HIPK2: variants seen among roughly 807,000 people sequenced by gnomAD.
HIPK2 encodes homeodomain-interacting protein kinase 2.
A neutral mutation model predicts 113.7 loss-of-function variants in HIPK2; 27 were observed. That is an observed-to-expected ratio of 0.24 (90% confidence interval 0.17 to 0.33). The LOEUF is 0.33. HIPK2 is among the 10% of genes least tolerant of loss of function. The probability of loss-of-function intolerance (pLI) is 1.00; values close to 1 mark genes in which losing one functional copy is unlikely to be tolerated. For missense variants in HIPK2, 1,257 were observed against 1,588.0 expected (o/e 0.79, Z 3.54); for synonymous variants, 631 against 642.2 (o/e 0.98, Z 0.26).
intron 14 of HIPK2, among the ~76,000 whole-genome samples, chr7:139,573,648 C>G (rs1417550473): frequency 1.3e-5 from 2 of 152,074 alleles, no homozygotes; most frequent in African/African-American, 4.8e-5. Context: ...TCGAGACCAG[C>G]CTGGCCAATA....
At chr7:139,589,404 T>TAA (rs150232763) in intron 12 of HIPK2, among the ~76,000 whole-genome samples, 3 of 141,912 alleles carry the variant, frequency 2.1e-5, no homozygotes, top group Non-Finnish European at 1.6e-5. Context: ...AATGAGCATT[T>TAA]AAAAAAAAAA....
intron 2 of HIPK2, among the ~76,000 whole-genome samples, chr7:139,654,572 CTG>C (rs1801589758): frequency 6.6e-6 from 1 of 152,162 alleles, no homozygotes; most frequent in African/African-American, 2.4e-5. Flanking sequence ...ATCTTTGGAA[CTG>C]TTTAATGCAT....
At chr7:139,764,874 G>A (rs907524732) in intron 1 of HIPK2, among the ~76,000 whole-genome samples, 1 of 152,166 alleles carries the variant, frequency 6.6e-6, no homozygotes, top group Non-Finnish European at 1.5e-5. Context: ...GGTGGCTCAC[G>A]CCTGTAATCC....
rs1796813829 is a variant in HIPK2, at chr7:139,777,795, G to A, written c.-172C>T. ...CCTCCCGTGGCCGGCGCCGGGGGAG[G>A]GGGCCGGGCGCGCCGCCGCCGCCGC... On this transcript the variant is annotated 5_prime_UTR_variant, in exon 1 of 15. Coordinates refer to ENST00000406875, the MANE Select transcript of HIPK2 (RefSeq NM_022740.5). 2.1e-6 allele frequency: 1 copy of A among 478,030 alleles called. No individual in the cohort carries two copies. Among genetic ancestry groups the A allele is most frequent in the Non-Finnish European group, 2.7e-6 (1 of 368,480 alleles). The allele number at this position is 478,030 out of a possible 1,614,324, so 29.6% of individuals were successfully genotyped here.
intron 1 of HIPK2, among the ~76,000 whole-genome samples, chr7:139,763,775 G>A (rs1419579283): frequency 5.3e-5 from 8 of 152,222 alleles, no homozygotes. Context: ...GAGCACTTTT[G>A]GTCATGCCTG....
At chr7:139,680,636 T>A (rs1267651425) in intron 2 of HIPK2, among the ~76,000 whole-genome samples, 1 of 152,244 alleles carries the variant, frequency 6.6e-6, no homozygotes, top group African/African-American at 2.4e-5. Flanking sequence ...AGCAAATCAT[T>A]TTTTAAAATT....
intron 2 of HIPK2, among the ~76,000 whole-genome samples, chr7:139,653,835 C>T (rs539783771): frequency 7.9e-5 from 12 of 152,006 alleles, no homozygotes; most frequent in South Asian, 6.2e-4. Context: ...CAGGTTCAAG[C>T]GATTCTCCTG....
intron 12 of HIPK2, among the ~76,000 whole-genome samples, chr7:139,595,321 C>G (rs913705978): frequency 6.6e-6 from 1 of 152,144 alleles, no homozygotes; most frequent in Non-Finnish European, 1.5e-5. Context: ...GCTGAGCCCA[C>G]GTGAGGACTG....
intron 2 of HIPK2, among the ~76,000 whole-genome samples, chr7:139,651,260 C>T (rs1801448390): frequency 6.6e-6 from 1 of 152,122 alleles, no homozygotes; most frequent in African/African-American, 2.4e-5. Flanking sequence ...TTCCAAGCAC[C>T]CAAATGCAGG....
chr7:139,572,802 G>C lies in HIPK2; in HGVS notation c.*125C>G, dbSNP rs1485279765. ...CCCCCGCCCCTGCCCCGTTTGCATT[G>C]TTTGTGTGCGGCATCTTCAGTATAA... On this transcript the variant is annotated 3_prime_UTR_variant, in exon 15 of 15. Coordinates refer to ENST00000406875, the MANE Select transcript of HIPK2 (RefSeq NM_022740.5). The C allele has an allele frequency of 5.8e-6, 1 of 173,196 alleles. No homozygotes were observed. The allele number at this position is 173,196 out of a possible 1,614,324, so 10.7% of individuals were successfully genotyped here. A position where few individuals can be genotyped will look rare whatever the true frequency, so the allele number is the denominator to read the frequency against.
At chr7:139,746,239 C>T (rs1796189041) in intron 1 of HIPK2, among the ~76,000 whole-genome samples, 1 of 152,234 alleles carries the variant, frequency 6.6e-6, no homozygotes, top group Non-Finnish European at 1.5e-5. Flanking sequence ...CACTGTCCCC[C>T]AGCCGGGCCT....
chr7:139,714,757 A>G lies in HIPK2; in HGVS notation c.1103+1175T>C, dbSNP rs537172786. ...TTCAGTTTTGTTTCTTGTGACCTCT[A>G]TCTCCACTGCACTGTTCGGCACCAC... On this transcript the variant is annotated intron_variant, in intron 2 of 14. Transcript: ENST00000406875. The surrounding 1 kb of genome is among the most constrained non-coding windows in gnomAD (Gnocchi z 4.2). Among the ~76,000 whole-genome samples the G allele has an allele frequency of 6.6e-6, 1 of 152,122 alleles. No homozygotes were observed. Among genetic ancestry groups the G allele is most frequent in the African/African-American group, 2.4e-5 (1 of 41,520 alleles).
intron 2 of HIPK2, among the ~76,000 whole-genome samples, chr7:139,665,877 C>T (rs186115562): frequency 1.3e-5 from 2 of 151,534 alleles, no homozygotes; most frequent in African/African-American, 2.4e-5. Flanking sequence ...GCTTTGAGAA[C>T]ATTCTTCAGT....
intron 1 of HIPK2, among the ~76,000 whole-genome samples, chr7:139,734,705 A>G (rs548672412): frequency 6.6e-6 from 1 of 152,246 alleles, no homozygotes; most frequent in Non-Finnish European, 1.5e-5. Context: ...GGTTTTAAAA[A>G]TAGCATGGCT....
intron 13 of HIPK2, among the ~76,000 whole-genome samples, chr7:139,576,866 C>T (rs1798510185): frequency 6.6e-6 from 1 of 152,196 alleles, no homozygotes; most frequent in Non-Finnish European, 1.5e-5. Context: ...TGGGGGCCAT[C>T]TCCCCACCCC....
chr7:139,684,557 C>CA (rs566051719), intron 2 of HIPK2, among the ~76,000 whole-genome samples: 1 of 152,074 alleles, frequency 6.6e-6, no homozygotes, highest in South Asian at 2.1e-4. Flanking sequence ...TCTCTACAAA[C>CA]AAAATATTTT....
intron 12 of HIPK2, among the ~76,000 whole-genome samples, chr7:139,586,447 C>A (rs558126346): frequency 6.6e-6 from 1 of 151,832 alleles, no homozygotes; most frequent in Non-Finnish European, 1.5e-5. Flanking sequence ...TATGGTGTAT[C>A]CATACAGTGG....
intron 1 of HIPK2, among the ~76,000 whole-genome samples, chr7:139,744,542 A>G (rs1796159075): frequency 6.6e-6 from 1 of 152,258 alleles, no homozygotes; most frequent in African/African-American, 2.4e-5. Flanking sequence ...TGAGCTGTAC[A>G]CTTCAAAAAA....
intron 2 of HIPK2, among the ~76,000 whole-genome samples, chr7:139,647,376 T>A (rs948487296): frequency 6.6e-6 from 1 of 152,192 alleles, no homozygotes; most frequent in African/African-American, 2.4e-5. Flanking sequence ...AAATACCCAA[T>A]ACACAGATGT....
Sources: gnomAD v4.1 joint callset for allele counts (sites outside exome capture counted in the v4.1 genomes callset) on GRCh38, gnomAD v4.1.1 for gene constraint, Gnocchi (gnomAD v3.1) non-coding constraint, MANE v1.5 for transcripts, NCBI Gene and HGNC (gene_info 2026-07-23, HGNC 2026-07-21) for gene names.